The following CARS2 variants were observed in gnomAD, a reference collection of about 807,000 sequenced individuals.
CARS2 encodes the protein probable cysteine--tRNA ligase, mitochondrial.
In CARS2, 52 loss-of-function variants were observed where a neutral mutation model predicts 68.8. The observed-to-expected ratio is 0.76, with a 90% confidence interval of 0.61 to 0.95. The LOEUF (loss-of-function observed/expected upper bound fraction) is 0.95. Ranked by LOEUF, CARS2 falls within the 40% of genes least tolerant of loss-of-function variation. The pLI is 0.00. For missense variants in CARS2, 780 were observed against 754.2 expected (o/e 1.03, Z -0.40); for synonymous variants, 314 against 303.6 (o/e 1.03, Z -0.36).
Position 110,696,264 on chromosome 13 carries a change from A to C in CARS2, c.393+5174T>G, listed in dbSNP as rs185049136. Among the ~76,000 whole-genome samples, 359 of 148,372 alleles carry C rather than the reference A, an allele frequency of 2.4e-3. 2 individuals are homozygous for C. The highest frequency in any genetic ancestry group is 3.8e-3 in the Non-Finnish European group (257 of 67,756). On this transcript the variant is annotated intron_variant, in intron 3 of 14. Coordinates refer to ENST00000257347, the MANE Select transcript of CARS2 (RefSeq NM_024537.4). ...ATGTGTCTTTATAGTAGAATGATTT[A>C]TAATCCTTTGGGTATATACCCAGTA...
chr13:110,696,884 G>C (rs533457906), intron 3 of CARS2, among the ~76,000 whole-genome samples: 1 of 152,076 alleles, frequency 6.6e-6, no homozygotes, highest in Non-Finnish European at 1.5e-5. Context: ...CTCTTGTCCC[G>C]CTTCTCTGAT....
In CARS2 at chr13:110,705,806, T is replaced by A; in HGVS notation, c.224+64A>T. Reference sequence around the variant, plus strand: ...ACGCCCTCCCCGAGCCCAGATCCCGTTCAGCCGTGGGAAGTCTCCGCCACG... The same window carrying A: ...ACGCCCTCCCCGAGCCCAGATCCCGATCAGCCGTGGGAAGTCTCCGCCACG... On this transcript the variant is annotated intron_variant, in intron 1 of 14. Coordinates refer to ENST00000257347, the MANE Select transcript of CARS2 (RefSeq NM_024537.4). This position sits in a 1 kb window ranked among gnomAD's most constrained non-coding sequence, Gnocchi z 4.0. 1.3e-6 allele frequency: 2 copies of A among 1,525,618 alleles called. No homozygotes were observed. Among genetic ancestry groups the A allele is most frequent in the Non-Finnish European group, 1.8e-6 (2 of 1,138,388 alleles). 94.5% of individuals were successfully genotyped at this position (1,525,618 alleles called of 1,614,324 possible). A position where few individuals can be genotyped will look rare whatever the true frequency, so the allele number is the denominator to read the frequency against.
At chr13:110,660,045 A>T (rs536732258) in intron 9 of CARS2, among the ~76,000 whole-genome samples, 2 of 152,364 alleles carry the variant, frequency 1.3e-5, no homozygotes, top group South Asian at 2.1e-4. Flanking sequence ...CAATAGTCTA[A>T]ATCCTTTGTT....
Position 110,644,301 on chromosome 13 carries a change from T to A in CARS2, c.1416+84A>T, listed in dbSNP as rs895486924. On this transcript the variant is annotated intron_variant, in intron 13 of 14. Coordinates refer to ENST00000257347, the MANE Select transcript of CARS2 (RefSeq NM_024537.4). ...ATACATTAGTGTGGCATCATAATGC[T>A]CTATTCCAAGTTAAAAGGGTAAAGG... 4 of 1,414,224 alleles carry A rather than the reference T, an allele frequency of 2.8e-6. No homozygotes were observed. The Admixed American group carries it at 5.2e-5, about 18-fold the overall frequency. 87.6% of individuals were successfully genotyped at this position (1,414,224 alleles called of 1,614,324 possible).
intron 5 of CARS2, 23 bp downstream of exon 5, chr13:110,687,698 A>C (rs764771526): frequency 2.7e-6 from 4 of 1,469,684 alleles, no homozygotes; most frequent in Non-Finnish European, 3.7e-6. Flanking sequence ...AAAAGAAAAA[A>C]AAAAAAAGAA....
chr13:110,705,373 T>A lies in CARS2; in HGVS notation c.275+148A>T. 1 of 608,688 alleles carries A rather than the reference T, an allele frequency of 1.6e-6. No homozygotes were observed. The highest frequency in any genetic ancestry group is 2.8e-6 in the Non-Finnish European group (1 of 351,684). 37.7% of individuals were successfully genotyped at this position (608,688 alleles called of 1,614,324 possible). On this transcript the variant is annotated intron_variant, in intron 2 of 14. Transcript: ENST00000257347. The surrounding 1 kb of genome is among the most constrained non-coding windows in gnomAD (Gnocchi z 4.0). ...GCTCAGAATCCCTATAAGAACCAAATGAGGTTGTAACATTTCCCACAATGC... is the reference window on the plus strand; with the variant it reads ...GCTCAGAATCCCTATAAGAACCAAAAGAGGTTGTAACATTTCCCACAATGC...
rs180958817 is a variant in CARS2, at chr13:110,656,124, G to A, written c.988-5024C>T. Among the ~76,000 whole-genome samples, 52 of 152,276 alleles carry A rather than the reference G, an allele frequency of 3.4e-4. 1 individual carries two copies. In the East Asian group the frequency reaches 9.7e-3, roughly 28 times the overall value. On this transcript the variant is annotated intron_variant, in intron 9 of 14. Transcript: ENST00000257347. ...TCAAGACCAGCCTGGCCAACATGGTGAAACCCCATCTCCACTAAAAATACA... is the reference window on the plus strand; with the variant it reads ...TCAAGACCAGCCTGGCCAACATGGTAAAACCCCATCTCCACTAAAAATACA...
upstream of CARS2, among the ~76,000 whole-genome samples, chr13:110,708,035 T>C (rs2063997440): frequency 6.6e-6 from 1 of 152,242 alleles, no homozygotes; most frequent in Non-Finnish European, 1.5e-5. Context: ...CTGCCTTATG[T>C]TATTTTGTAA....
chr13:110,671,943 C>T (rs901801106), intron 7 of CARS2, among the ~76,000 whole-genome samples: 32 of 152,050 alleles, frequency 2.1e-4, no homozygotes, highest in African/African-American at 7.0e-4. Context: ...GACTTTAAAC[C>T]AACAAAGATC....
chr13:110,671,071 A>G (rs1331584196), intron 7 of CARS2, among the ~76,000 whole-genome samples: 4 of 152,204 alleles, frequency 2.6e-5, no homozygotes, highest in African/African-American at 9.6e-5. Flanking sequence ...ATGTGAAAAG[A>G]CCAAATCTGC....
chr13:110,645,921 A>T (rs780112388), intron 12 of CARS2, 46 bp downstream of exon 12: 1 of 1,599,426 alleles, frequency 6.3e-7, no homozygotes, highest in Non-Finnish European at 8.5e-7. Context: ...GACCCGACCC[A>T]TGCCCCTGGC....
chr13:110,642,250 G>A (rs1887441239), intron 14 of CARS2, 65 bp downstream of exon 14: 2 of 1,270,096 alleles, frequency 1.6e-6, no homozygotes, highest in Non-Finnish European at 2.2e-6. Flanking sequence ...GCCTCTGATG[G>A]CCCCACGTCC....
intron 10 of CARS2, among the ~76,000 whole-genome samples, chr13:110,647,847 C>T (rs1045105335): frequency 2.6e-5 from 3 of 115,554 alleles, no homozygotes; most frequent in Non-Finnish European, 5.1e-5. Context: ...AGGAGTGAAT[C>T]GCTTTGCAAT....
intron 2 of CARS2, among the ~76,000 whole-genome samples, chr13:110,704,689 G>C (rs1315713095): frequency 2.0e-5 from 3 of 151,902 alleles, no homozygotes; most frequent in African/African-American, 7.3e-5. Flanking sequence ...GCAGTGAGCC[G>C]AGATTGCACC....
At chr13:110,647,885 G>A (rs1048981878) in intron 10 of CARS2, among the ~76,000 whole-genome samples, 1 of 152,248 alleles carries the variant, frequency 6.6e-6, no homozygotes, top group African/African-American at 2.4e-5. Context: ...TATCAGCAAA[G>A]CCAGCCACAT....
At chr13:110,703,134 C>T (rs1331904591) in intron 2 of CARS2, among the ~76,000 whole-genome samples, 5 of 152,206 alleles carry the variant, frequency 3.3e-5, no homozygotes, top group African/African-American at 1.2e-4. Context: ...GGGTTTCCAT[C>T]CCTCTGACCT....
intron 13 of CARS2, chr13:110,643,826 T>G (rs1440521316): frequency 9.1e-6 from 2 of 218,762 alleles, no homozygotes; most frequent in Non-Finnish European, 9.5e-6. Context: ...AAGAGGACAT[T>G]TTCATAGGAT....
intron 7 of CARS2, among the ~76,000 whole-genome samples, chr13:110,674,998 A>G (rs2139798095): frequency 6.6e-6 from 1 of 151,590 alleles, no homozygotes; most frequent in South Asian, 2.1e-4. Context: ...GCAAATCAAA[A>G]CCACAATGAA....
At chr13:110,690,584 C>T (rs1460524843) in intron 3 of CARS2, among the ~76,000 whole-genome samples, 9 of 152,208 alleles carry the variant, frequency 5.9e-5, no homozygotes, top group Non-Finnish European at 1.0e-4. Context: ...TGTGTCGCTA[C>T]GTGCTTACCC....
Sources: allele counts gnomAD v4.1 joint callset (sites outside exome capture counted in the v4.1 genomes callset), GRCh38; gene constraint gnomAD v4.1.1; non-coding constraint Gnocchi (gnomAD v3.1); transcripts MANE v1.5; gene names NCBI Gene and HGNC (gene_info 2026-07-23, HGNC 2026-07-21).